AFAP1L2: variants seen among roughly 807,000 people sequenced by gnomAD.
The protein encoded by AFAP1L2 is actin filament associated protein 1 like 2.
In AFAP1L2, 46 loss-of-function variants were observed where a neutral mutation model predicts 99.3. The ratio of observed to expected loss-of-function variants is 0.46; its 90% CI spans 0.37 to 0.59. AFAP1L2 has a LOEUF of 0.59. Among genes scored for constraint, AFAP1L2 ranks in the 20% least tolerant of loss-of-function variants. AFAP1L2 has a pLI of 0.00. For missense variants in AFAP1L2, 959 were observed against 1,034.9 expected (o/e 0.93, Z 1.01); for synonymous variants, 397 against 419.1 (o/e 0.95, Z 0.64).
chr10:114,286,232 G>A, the AFAP1L2 span: 17 of 1,613,330 alleles, frequency 1.1e-5, no homozygotes, highest in Admixed American at 1.7e-4. Flanking sequence ...GCAGGCGGCA[G>A]AGCGTGGCTT....
upstream of AFAP1L2, chr10:114,404,537 T>G (rs57922449): frequency 2.2e-3 from 3,306 of 1,470,514 alleles, 60 homozygotes; most frequent in African/African-American, 0.043. Flanking sequence ...GCCGCCGCGC[T>G]GGCCCCTCCC....
At chr10:114,307,989 C>T in intron 9 of AFAP1L2, 80 bp from the exon 10 acceptor site, 2 of 1,192,338 alleles carry the variant, frequency 1.7e-6, no homozygotes, top group South Asian at 1.2e-5. Context: ...AAATAGCAAA[C>T]CCATTTCCAC....
chr10:114,282,017 C>CTTTTTTTTTTTTTTTTTTTT, the AFAP1L2 span, among the ~76,000 whole-genome samples: 15 of 119,694 alleles, frequency 1.3e-4, 1 homozygote, highest in South Asian at 2.7e-4. Context: ...CTTATGTTAC[C>CTTTTTTTTTTTTTTTTTTTT]TTTTTTTTTT....
chr10:114,349,590 G>C (rs2050151289), intron 1 of AFAP1L2, among the ~76,000 whole-genome samples: 1 of 150,322 alleles, frequency 6.7e-6, no homozygotes, highest in South Asian at 2.1e-4. Context: ...AGTGTAGAAG[G>C]CAAGGGTCAA....
intron 1 of AFAP1L2, among the ~76,000 whole-genome samples, chr10:114,402,738 T>C (rs2058341686): frequency 6.6e-6 from 1 of 152,234 alleles, no homozygotes; most frequent in Non-Finnish European, 1.5e-5. Context: ...AAAAGCCTTC[T>C]GAGAATAACG....
chr10:114,354,876 A>T (rs1048859784), intron 1 of AFAP1L2, among the ~76,000 whole-genome samples: 1 of 152,234 alleles, frequency 6.6e-6, no homozygotes, highest in Non-Finnish European at 1.5e-5. Flanking sequence ...TTCCCTTTTC[A>T]CATAAGCTAG....
At chr10:114,350,159 GA>G (rs2050244117) in intron 1 of AFAP1L2, among the ~76,000 whole-genome samples, 1 of 152,242 alleles carries the variant, frequency 6.6e-6, no homozygotes, top group African/African-American at 2.4e-5. Flanking sequence ...CAGGGCCTTT[GA>G]AAATTCACAC....
chr10:114,333,544 G>C (rs1341491745), intron 2 of AFAP1L2, among the ~76,000 whole-genome samples: 1 of 152,192 alleles, frequency 6.6e-6, no homozygotes, highest in Non-Finnish European at 1.5e-5. Flanking sequence ...AGATACAGAA[G>C]GATAGCTTAT....
At chr10:114,331,310 G>A (rs1485176301) in intron 4 of AFAP1L2, among the ~76,000 whole-genome samples, 1 of 151,860 alleles carries the variant, frequency 6.6e-6, no homozygotes, top group Non-Finnish European at 1.5e-5. Flanking sequence ...TTAGAGATGG[G>A]GTCTTGCTAT....
chr10:114,288,156 A>G, the AFAP1L2 span, among the ~76,000 whole-genome samples: 1 of 152,294 alleles, frequency 6.6e-6, no homozygotes, highest in South Asian at 2.1e-4. Flanking sequence ...TCCCCTGCAC[A>G]GGAGAGGCCT....
chr10:114,384,560 C>G (rs1168753299), intron 1 of AFAP1L2, among the ~76,000 whole-genome samples: 1 of 152,220 alleles, frequency 6.6e-6, no homozygotes, highest in Non-Finnish European at 1.5e-5. Context: ...CAAGTGAGAA[C>G]AACCTCACTT....
chr10:114,302,750 ATT>A (rs2041439674), intron 11 of AFAP1L2, among the ~76,000 whole-genome samples: 1 of 152,282 alleles, frequency 6.6e-6, no homozygotes, highest in African/African-American at 2.4e-5. Context: ...ATGTATATAC[ATT>A]GTGTTTCTAG....
At chr10:114,288,816 T>C in the AFAP1L2 span, 8 of 935,654 alleles carry the variant, frequency 8.6e-6, no homozygotes, top group East Asian at 2.4e-5. Context: ...AGAGGGTGTA[T>C]TCTGCAGTGA....
chr10:114,290,210 G>A (rs1355014127), downstream of AFAP1L2: 3 of 1,549,268 alleles, frequency 1.9e-6, no homozygotes, highest in African/African-American at 4.1e-5. Flanking sequence ...TGCCTGGCCG[G>A]CCTGGTGGGT....
intron 18 of AFAP1L2, 46 bp downstream of exon 18, chr10:114,296,932 G>A (rs2040326569): frequency 6.2e-7 from 1 of 1,613,566 alleles, no homozygotes; most frequent in Non-Finnish European, 8.5e-7. Flanking sequence ...CCCTACCTTA[G>A]TGACATTTCT....
chr10:114,397,714 A>G (rs2057859760), intron 1 of AFAP1L2, among the ~76,000 whole-genome samples: 1 of 152,188 alleles, frequency 6.6e-6, no homozygotes, highest in Non-Finnish European at 1.5e-5. Context: ...ACATTCACCC[A>G]GCTTGGATTC....
At chr10:114,335,317 A>G (rs1418052420) in intron 2 of AFAP1L2, among the ~76,000 whole-genome samples, 1 of 152,140 alleles carries the variant, frequency 6.6e-6, no homozygotes, top group East Asian at 1.9e-4. Flanking sequence ...TTTTAAAAAA[A>G]GAATACAACA....
chr10:114,383,681 T>G (rs2056048234), intron 1 of AFAP1L2, among the ~76,000 whole-genome samples: 1 of 152,134 alleles, frequency 6.6e-6, no homozygotes, highest in African/African-American at 2.4e-5. Flanking sequence ...TTAAAATAAC[T>G]CCATCTGAAA....
chr10:114,380,128 T>G (rs11812348), intron 1 of AFAP1L2, among the ~76,000 whole-genome samples: 5,480 of 152,260 alleles, frequency 0.036, 330 homozygotes, highest in African/African-American at 0.12. Flanking sequence ...GATGACCATA[T>G]TTATGTCCGA....
Sources: allele counts gnomAD v4.1 joint callset (sites outside exome capture counted in the v4.1 genomes callset), GRCh38; gene constraint gnomAD v4.1.1; transcripts MANE v1.5; gene names NCBI Gene and HGNC (gene_info 2026-07-23, HGNC 2026-07-21).